Variants in NIPA1 observed in about 807,000 individuals in gnomAD.
NIPA1 encodes NIPA magnesium transporter 1, also known as magnesium transporter NIPA1.
NIPA1 carries 13 observed loss-of-function variants against 23.9 expected under a neutral mutation model. The observed-to-expected ratio is 0.54, with a 90% CI of 0.35 to 0.87. The LOEUF is 0.87. Ranked by LOEUF, NIPA1 falls within the 40% of genes least tolerant of loss-of-function variation. NIPA1 has a pLI of 0.01. For missense variants in NIPA1, 362 were observed against 429.7 expected (o/e 0.84, Z 1.39); for synonymous variants, 234 against 202.9 (o/e 1.15, Z -1.30).
intron 1 of NIPA1, among the ~76,000 whole-genome samples, chr15:22,798,553 T>TAA (rs534667934): frequency 9.3e-4 from 129 of 138,186 alleles, no homozygotes; most frequent in Middle Eastern, 7.0e-3. Context: ...CTAAAAATCT[T>TAA]AAAAAAAAAA....
chr15:22,788,321 G>A (rs1449464489), intron 1 of NIPA1, among the ~76,000 whole-genome samples: 1 of 151,786 alleles, frequency 6.6e-6, no homozygotes, highest in Non-Finnish European at 1.5e-5. Flanking sequence ...CTAACACGAC[G>A]AAACCCCATC....
At chr15:22,823,240 A>G in intron 4 of NIPA1, among the ~76,000 whole-genome samples, 1 of 137,344 alleles carries the variant, frequency 7.3e-6, no homozygotes, top group Non-Finnish European at 1.6e-5. Context: ...TCTGAGATGG[A>G]GTCTTGCTCT....
intron 1 of NIPA1, among the ~76,000 whole-genome samples, chr15:22,805,222 A>G (rs1895182744): frequency 6.6e-6 from 1 of 152,220 alleles, no homozygotes; most frequent in Non-Finnish European, 1.5e-5. Flanking sequence ...CTTAGGAAAA[A>G]TAAGTTCTGC....
At position 22,810,786 on chromosome 15, in the gene NIPA1, C is replaced by A. The variant is rs1016761294; in HGVS notation, c.216C>A (p.Gly72=). The A allele has an allele frequency of 6.2e-7, 1 of 1,609,456 alleles. No individual in the cohort carries two copies. The highest frequency in any genetic ancestry group is 1.3e-5 in the African/African-American group (1 of 74,818). The change falls in exon 2 of 5, where the codon GGC becomes GGA. Residue 72 remains glycine (G), a synonymous_variant. Coordinates refer to ENST00000337435, the MANE Select transcript of NIPA1 (RefSeq NM_144599.5). ...TAACAGACATTGTGTGGTGGGCTGG[C>A]ACAATCGCAAGTAAGTAGCCTGTGT... ...SYLTDIVWWA[G]TIAMAVGQIG...
rs190687493 is a variant in NIPA1, at chr15:22,791,583, A to C, written c.178+4749A>C. ...ACTGTAATCTCTGCTTCCCAGGTTC[A>C]AGCGATTCTCCTGCCTCAGCCTCCC... On this transcript the variant is annotated intron_variant, in intron 1 of 4. Transcript: ENST00000337435. Among the ~76,000 whole-genome samples the C allele has an allele frequency of 8.5e-5, 12 of 140,788 alleles. No individual in the cohort carries two copies. The East Asian group carries it at 2.5e-3, about 29-fold the overall frequency. The allele number at this position is 140,788 out of a possible 152,430, so 92.4% of individuals were successfully genotyped here.
At chr15:22,803,317 A>G (rs1323917674) in intron 1 of NIPA1, among the ~76,000 whole-genome samples, 1 of 151,678 alleles carries the variant, frequency 6.6e-6, no homozygotes, top group Non-Finnish European at 1.5e-5. Context: ...GTTCTACCGT[A>G]TTATTGACTG....
rs78877139 is a variant in NIPA1 at position 22,806,659 on chromosome 15, C to T, written c.179-4090C>T. The stretch of plus-strand genomic sequence containing the variant: ...CTGAGAGTGCTGGCTAATGAGCTTT[C>T]GGAACAACAGTGCTTAGGGGCAGCA... On this transcript the variant is annotated intron_variant, in intron 1 of 4. Transcript: ENST00000337435. Among the ~76,000 whole-genome samples the T allele has an allele frequency of 0.014, 1,155 of 81,148 alleles. 53 individuals carry two copies. The East Asian group carries it at 0.27, about 19-fold the overall frequency. 53.2% of individuals were successfully genotyped at this position (81,148 alleles called of 152,430 possible).
chr15:22,806,144 T>G (rs369637550), intron 1 of NIPA1, among the ~76,000 whole-genome samples: 2 of 152,132 alleles, frequency 1.3e-5, no homozygotes, highest in Non-Finnish European at 2.9e-5. Flanking sequence ...AGGATGGTCT[T>G]GATCTCCTGA....
intron 1 of NIPA1, among the ~76,000 whole-genome samples, chr15:22,787,572 C>G (rs925285748): frequency 2.0e-5 from 3 of 152,204 alleles, no homozygotes; most frequent in African/African-American, 7.2e-5. Context: ...TAGTGCTCTG[C>G]GGGGTAGAGC....
chr15:22,793,294 A>G lies in NIPA1; in HGVS notation c.178+6460A>G, dbSNP rs1894869493. Among the ~76,000 whole-genome samples, 4 of 131,736 alleles carry G rather than the reference A, an allele frequency of 3.0e-5. No individual in the cohort carries two copies. The Admixed American group carries it at 3.6e-4, about 12-fold the overall frequency. The allele number at this position is 131,736 out of a possible 152,430, so 86.4% of individuals were successfully genotyped here. On this transcript the variant is annotated intron_variant, in intron 1 of 4. Transcript: ENST00000337435. Reference sequence around the variant, plus strand: ...AACCTGGGCTGCAGAGGTTGCAGTGAGCTGAGATCGCACCACTGCACTCCA... The same window carrying G: ...AACCTGGGCTGCAGAGGTTGCAGTGGGCTGAGATCGCACCACTGCACTCCA...
Position 22,827,886 on chromosome 15 carries a change from C to T in NIPA1, c.*3647C>T, listed in dbSNP as rs553565150. 4 of 152,188 alleles carry T rather than the reference C, an allele frequency of 2.6e-5. No individual in the cohort carries two copies. Among genetic ancestry groups the T allele is most frequent in the South Asian group, 2.1e-4 (1 of 4,806 alleles). 9.4% of individuals were successfully genotyped at this position (152,188 alleles called of 1,614,324 possible). A position where few individuals can be genotyped will look rare whatever the true frequency, so the allele number is the denominator to read the frequency against. On this transcript the variant is annotated 3_prime_UTR_variant, in exon 5 of 5. Transcript: ENST00000337435. ...ACAGGCTGCTGCCCTTCTGTCTGGT[C>T]GGGGGATTCCTCTTCTTCAAGCTGC...
chr15:22,810,707 G>C, intron 1 of NIPA1, 42 bp from the exon 2 acceptor site: 1 of 1,302,448 alleles, frequency 7.7e-7, no homozygotes, highest in African/African-American at 1.4e-5. Context: ...TACGTAGCTG[G>C]TAAACCCACT....
intron 1 of NIPA1, among the ~76,000 whole-genome samples, chr15:22,788,143 C>T (rs1193235020): frequency 6.6e-6 from 1 of 152,088 alleles, no homozygotes; most frequent in Admixed American, 6.6e-5. Context: ...TGAGAAAGCA[C>T]CTCACCTCCC....
intron 1 of NIPA1, among the ~76,000 whole-genome samples, chr15:22,803,674 A>G (rs1176506615): frequency 1.1e-5 from 1 of 89,896 alleles, no homozygotes; most frequent in Non-Finnish European, 2.0e-5. Flanking sequence ...GGGCCCGGCT[A>G]ATTTTTTTTT....
chr15:22,794,625 C>A (rs992208294), intron 1 of NIPA1, among the ~76,000 whole-genome samples: 4 of 152,044 alleles, frequency 2.6e-5, no homozygotes, highest in African/African-American at 9.7e-5. Flanking sequence ...GGAGTTGTCT[C>A]GTGAGAGTGT....
At chr15:22,812,692 A>G (rs1895344029) in intron 3 of NIPA1, among the ~76,000 whole-genome samples, 1 of 152,032 alleles carries the variant, frequency 6.6e-6, no homozygotes, top group African/African-American at 2.4e-5. Context: ...ATTCTACTCT[A>G]TATCGTTTAA....
At chr15:22,805,069 T>C (rs1339353614) in intron 1 of NIPA1, among the ~76,000 whole-genome samples, 3 of 152,074 alleles carry the variant, frequency 2.0e-5, no homozygotes, top group African/African-American at 7.2e-5. Context: ...CTCAATCTCC[T>C]GACCTCATGA....
intron 1 of NIPA1, among the ~76,000 whole-genome samples, chr15:22,791,073 C>G (rs1036963633): frequency 6.6e-6 from 1 of 152,078 alleles, no homozygotes; most frequent in African/African-American, 2.4e-5. Context: ...AATGTAACAT[C>G]ACCTGAATAT....
At chr15:22,788,910 G>A (rs9672977) in intron 1 of NIPA1, among the ~76,000 whole-genome samples, 108,716 of 122,240 alleles carry the variant, frequency 0.89, 48,529 homozygotes, top group East Asian at 0.95. Flanking sequence ...GAAGAACAAG[G>A]CTCTGTCTTA....
Sources: gnomAD v4.1 joint callset for allele counts (sites outside exome capture counted in the v4.1 genomes callset) on GRCh38, gnomAD v4.1.1 for gene constraint, MANE v1.5 for transcripts, NCBI Gene and HGNC (gene_info 2026-07-23, HGNC 2026-07-21) for gene names.